LAMC2: variants seen among roughly 807,000 people sequenced by gnomAD.
The protein encoded by LAMC2 is laminin subunit gamma-2.
LAMC2 carries 97 observed loss-of-function variants against 140.2 expected under a neutral mutation model. The ratio of observed to expected loss-of-function variants is 0.69; its 90% CI spans 0.59 to 0.82. The LOEUF (loss-of-function observed/expected upper bound fraction) is 0.82. Among genes scored for constraint, LAMC2 ranks in the 40% least tolerant of loss-of-function variants. The probability of loss-of-function intolerance (pLI) is 0.00; values close to 1 mark genes in which losing one functional copy is unlikely to be tolerated. For missense variants in LAMC2, 1,402 were observed against 1,476.1 expected, an observed-to-expected ratio of 0.95 and a Z score of 0.82; for synonymous variants, 513 against 540.2, an observed-to-expected ratio of 0.95 and a Z score of 0.70.
At position 183,218,491 on chromosome 1, in the gene LAMC2, CTG is replaced by C; in HGVS notation, c.503+8_503+9del. ...GTCACTGGAGAACGCTGTGATAGGT[CTG>C]TGTGAACCGTGGCCCTACAAACAGC... is the stretch of plus-strand genomic sequence containing the variant. On this transcript the variant is annotated splice_donor_5th_base_variant and intron_variant, in intron 4 of 22. Coordinates refer to ENST00000264144, the MANE Select transcript of LAMC2 (RefSeq NM_005562.3). 1 of 1,607,814 alleles carries C rather than the reference CTG, an allele frequency of 6.2e-7. No individual in the cohort carries two copies.
At chr1:183,225,806 A>G in intron 8 of LAMC2, 86 bp downstream of exon 8, 1 of 848,342 alleles carries the variant, frequency 1.2e-6, no homozygotes, top group Non-Finnish European at 2.0e-6. Flanking sequence ...CAGTCTCCAA[A>G]CAAGTAGATA....
Position 183,218,424 on chromosome 1 carries a change from G to A in LAMC2, c.439G>A (p.Ala147Thr), listed in dbSNP as rs754947872. ...SKCDCDPAGI[A>T]GPCDAGRCVC... Reference sequence around the variant, plus strand: ...GTGTGACTGTGACCCAGCTGGCATCGCAGGGCCCTGTGACGCGGGCCGCTG... The same window carrying A: ...GTGTGACTGTGACCCAGCTGGCATCACAGGGCCCTGTGACGCGGGCCGCTG... The change falls in exon 4 of 23, where the codon GCA (alanine) becomes ACA (threonine). Residue 147 changes from alanine (A) to threonine (T), a missense_variant. By Grantham distance (58) the Ala-to-Thr change is moderately conservative. Transcript: ENST00000264144. 13 of 1,614,030 alleles carry A rather than the reference G, an allele frequency of 8.1e-6. No homozygotes were observed. The highest frequency in any genetic ancestry group is 1.7e-5 in the Admixed American group (1 of 60,028).
At position 183,232,869 on chromosome 1, in the gene LAMC2, C is replaced by T; in HGVS notation, c.2220+12C>T. ...CCTTGGGAAACACTGTAGGTTTTTG[C>T]TGGGCTAGAGTATTGAGAATACTGC... On this transcript the variant is annotated intron_variant, in intron 14 of 22. Coordinates refer to ENST00000264144, the MANE Select transcript of LAMC2 (RefSeq NM_005562.3). 6.2e-7 allele frequency: 1 copy of T among 1,613,232 alleles called. No homozygotes were observed. Among genetic ancestry groups the T allele is most frequent in the Non-Finnish European group, 8.5e-7 (1 of 1,179,276 alleles).
At chr1:183,203,328 T>C (rs1658780197) in intron 1 of LAMC2, among the ~76,000 whole-genome samples, 1 of 152,202 alleles carries the variant, frequency 6.6e-6, no homozygotes, top group Non-Finnish European at 1.5e-5. Flanking sequence ...GCAGTGCCCT[T>C]TGGCAACTGG....
intron 2 of LAMC2, among the ~76,000 whole-genome samples, chr1:183,208,288 G>C (rs2102197302): frequency 6.6e-6 from 1 of 152,314 alleles, no homozygotes; most frequent in Admixed American, 6.5e-5. Flanking sequence ...AAGGAAACAT[G>C]TTTCTCTTAA....
downstream of LAMC2, among the ~76,000 whole-genome samples, chr1:183,247,132 C>G (rs566270957): frequency 2.1e-3 from 313 of 152,130 alleles, 2 homozygotes; most frequent in African/African-American, 6.6e-3. Context: ...TCCAACATGG[C>G]GAAACCCTGT....
chr1:183,256,326 G>A, the LAMC2 span, among the ~76,000 whole-genome samples: 94 of 152,024 alleles, frequency 6.2e-4, no homozygotes, highest in Non-Finnish European at 9.3e-4. Context: ...GGAGAATCAC[G>A]TGAACCCAGG....
chr1:183,219,797 T>C (rs1659408825), intron 4 of LAMC2, among the ~76,000 whole-genome samples: 1 of 152,264 alleles, frequency 6.6e-6, no homozygotes, highest in African/African-American at 2.4e-5. Flanking sequence ...TTTTCTGTGA[T>C]ACTGTACTCA....
intron 1 of LAMC2, among the ~76,000 whole-genome samples, chr1:183,202,944 A>ATTTG (rs901910904): frequency 5.3e-5 from 8 of 152,184 alleles, no homozygotes; most frequent in Admixed American, 2.0e-4. Context: ...TCATTCATTC[A>ATTTG]TTTGTTTGTT....
At chr1:183,245,147 GT>G (rs1326621196), downstream of LAMC2, among the ~76,000 whole-genome samples, 2 of 152,170 alleles carry the variant, frequency 1.3e-5, no homozygotes, top group African/African-American at 4.8e-5. Flanking sequence ...CTCTAGCTGG[GT>G]GGGGGGGATA....
chr1:183,192,333 TC>T (rs1658364875), intron 1 of LAMC2, among the ~76,000 whole-genome samples: 2 of 152,248 alleles, frequency 1.3e-5, no homozygotes, highest in South Asian at 4.1e-4. Flanking sequence ...CCAAATCATT[TC>T]CCACAACTAA....
intron 22 of LAMC2, chr1:183,240,656 G>A: frequency 7.3e-6 from 10 of 1,374,606 alleles, no homozygotes; most frequent in Non-Finnish European, 9.4e-6. Flanking sequence ...GTGTATATAA[G>A]CAACTTCACA....
chr1:183,191,515 T>TC (rs1658330601), intron 1 of LAMC2, among the ~76,000 whole-genome samples: 1 of 143,970 alleles, frequency 6.9e-6, no homozygotes. Context: ...TTTTTTTTTT[T>TC]CTGTCCTAGA....
downstream of LAMC2, among the ~76,000 whole-genome samples, chr1:183,246,404 G>A (rs61688131): frequency 0.045 from 6,899 of 152,274 alleles, 489 homozygotes; most frequent in African/African-American, 0.15. Context: ...AGATAAGGAA[G>A]CTTTCCTTCT....
chr1:183,224,735 C>T (rs957453344), intron 7 of LAMC2, among the ~76,000 whole-genome samples: 21 of 152,278 alleles, frequency 1.4e-4, no homozygotes, highest in Admixed American at 2.6e-4. Flanking sequence ...TACTCGTTCC[C>T]ACCTTCCAGG....
intron 5 of LAMC2, 32 bp downstream of exon 5, chr1:183,220,993 T>G: frequency 6.2e-7 from 1 of 1,607,186 alleles, no homozygotes; most frequent in South Asian, 1.1e-5. Context: ...GTTTTAGTTT[T>G]TTAATGTTGT....
intron 12 of LAMC2, among the ~76,000 whole-genome samples, chr1:183,231,309 T>C (rs1571533775): frequency 6.6e-6 from 1 of 152,248 alleles, no homozygotes; most frequent in Non-Finnish European, 1.5e-5. Flanking sequence ...TATACCATTT[T>C]CAAAACCTCT....
intron 15 of LAMC2, 115 bp from the exon 16 acceptor site, chr1:183,235,460 T>C (rs1414951447): frequency 7.0e-6 from 8 of 1,137,744 alleles, no homozygotes; most frequent in South Asian, 2.6e-5. Flanking sequence ...GTCAGTTCTG[T>C]AGGGTTTTTC....
chr1:183,227,146 G>T (rs1487471598), intron 9 of LAMC2, among the ~76,000 whole-genome samples: 1 of 152,216 alleles, frequency 6.6e-6, no homozygotes, highest in East Asian at 1.9e-4. Flanking sequence ...GGTCGTCATG[G>T]TTCAGTGCTG....
Sources: allele counts gnomAD v4.1 joint callset (sites outside exome capture counted in the v4.1 genomes callset), GRCh38; gene constraint gnomAD v4.1.1; transcripts MANE v1.5; gene names NCBI Gene and HGNC (gene_info 2026-07-23, HGNC 2026-07-21).